Variants in NPHS1 observed in about 807,000 individuals in gnomAD.
NPHS1 encodes NPHS1 adhesion molecule, nephrin.
In NPHS1, 107 loss-of-function variants were observed where a neutral mutation model predicts 139.7. The ratio of observed to expected loss-of-function variants is 0.77; its 90% confidence interval spans 0.66 to 0.90. The LOEUF (loss-of-function observed/expected upper bound fraction) is 0.90. NPHS1 is among the 40% of genes least tolerant of loss of function. The pLI is 0.00. For synonymous variants in NPHS1, 707 were observed against 706.6 expected, an observed-to-expected ratio of 1.00 and a Z score of -0.01; for missense variants, 1,580 against 1,654.2, an observed-to-expected ratio of 0.96 and a Z score of 0.78.
rs1972888414 is a variant in NPHS1 at position 35,831,726 on chromosome 19, G to C, written c.3203C>G (p.Ala1068Gly). 1 of 1,589,306 alleles carries C rather than the reference G, an allele frequency of 6.3e-7. No individual in the cohort carries two copies. The highest frequency in any genetic ancestry group is 8.6e-7 in the Non-Finnish European group (1 of 1,168,286). ...GGAGAGGAGCAGAAGCCCCCCAAGA[G>C]CGAACAGCACAGGCAGCAGGGGCAG... ...SGLPLLPVLF[A>G]LGGLLLLSNA... The change falls in exon 24 of 29, where the codon GCT (alanine) becomes GGT (glycine). Residue 1068 changes from alanine to glycine, a missense_variant. Coordinates refer to ENST00000378910, the MANE Select transcript of NPHS1 (RefSeq NM_004646.4).
intron 28 of NPHS1, 101 bp downstream of exon 28, chr19:35,830,743 T>A: frequency 2.4e-6 from 2 of 816,516 alleles, no homozygotes; most frequent in Non-Finnish European, 4.4e-6. Context: ...TGGTCAGGCC[T>A]CTTTGTTACA....
rs555255264 is a variant in NPHS1, at chr19:35,830,884, G to A, written c.3554C>T (p.Pro1185Leu). Residue 1185 changes from proline (P) to leucine (L), a missense_variant, in exon 28 of 29, where the codon CCG becomes CTG. Transcript: ENST00000378910. The stretch of plus-strand genomic sequence containing the variant: ...GTAGAGGGGTCCCCAGGCTCCAGAC[G>A]GGGGGTACGTTCTTTCTACCTCATC... ...LYDEVERTYP[P>L]SGAWGPLYDE... The A allele has an allele frequency of 2.1e-5, 34 of 1,612,786 alleles. 1 individual carries two copies. In the South Asian group the frequency reaches 2.4e-4, roughly 11 times the overall value.
Position 35,839,485 on chromosome 19 carries a change from C to T in NPHS1, c.2927+11G>A. 1 of 1,613,896 alleles carries T rather than the reference C, an allele frequency of 6.2e-7. No homozygotes were observed. The highest frequency in any genetic ancestry group is 8.5e-7 in the Non-Finnish European group (1 of 1,179,798). The stretch of plus-strand genomic sequence containing the variant: ...CCCATTCCCTTCCCTCCTGCCTCGA[C>T]AAGGACCCACCTGATGCAGAACCTC... On this transcript the variant is annotated intron_variant, in intron 21 of 28. Coordinates refer to ENST00000378910, the MANE Select transcript of NPHS1 (RefSeq NM_004646.4).
At chr19:35,833,091 G>A (rs557367779) in intron 23 of NPHS1, among the ~76,000 whole-genome samples, 4 of 148,446 alleles carry the variant, frequency 2.7e-5, no homozygotes, top group African/African-American at 1.0e-4. Flanking sequence ...ACGGAGTTTC[G>A]CCATGTTGGA....
intron 16 of NPHS1, 134 bp downstream of exon 16, chr19:35,843,969 G>T: frequency 1.6e-6 from 2 of 1,284,540 alleles, no homozygotes; most frequent in Non-Finnish European, 2.2e-6. Context: ...TTACACCGCG[G>T]CTGGGACTTC....
intron 28 of NPHS1, among the ~76,000 whole-genome samples, chr19:35,828,435 T>C (rs1309415772): frequency 6.6e-6 from 1 of 152,102 alleles, no homozygotes; most frequent in Non-Finnish European, 1.5e-5. Context: ...CGGCTAACTT[T>C]TTGTATTTTT....
chr19:35,851,120 C>G lies in NPHS1; in HGVS notation c.398-31G>C. On this transcript the variant is annotated intron_variant, in intron 3 of 28. Transcript: ENST00000378910. The stretch of plus-strand genomic sequence containing the variant: ...GAGAGAAGGGTCTGGGGTAAGCTTC[C>G]AGCACTGAGAAGGACTTGAAGATTG... The G allele has an allele frequency of 1.9e-6, 3 of 1,614,054 alleles. No individual in the cohort carries two copies. In the African/African-American group the frequency reaches 4.0e-5, roughly 22 times the overall value.
At position 35,851,298 on chromosome 19, in the gene NPHS1, C is replaced by T. The variant is rs1403580615; in HGVS notation, c.361G>A (p.Glu121Lys). ...CQVGRSEMGP[E>K]LVSPRVILSI... ...AGGATCACTCTGGGAGACACGAGCT[C>T]GGGCCCCATCTCAGAGCGGCCGACC... Residue 121 changes from glutamate (E) to lysine (K), a missense_variant, in exon 3 of 29, where the codon GAG becomes AAG. Physicochemically the swap from Glu to Lys is moderately conservative, Grantham distance 56. Transcript: ENST00000378910. 5 of 1,613,978 alleles carry T rather than the reference C, an allele frequency of 3.1e-6. No homozygotes were observed. Among genetic ancestry groups the T allele is most frequent in the Non-Finnish European group, 4.2e-6 (5 of 1,179,934 alleles).
At chr19:35,838,079 C>G in intron 22 of NPHS1, among the ~76,000 whole-genome samples, 1 of 150,894 alleles carries the variant, frequency 6.6e-6, no homozygotes, top group East Asian at 2.0e-4. Flanking sequence ...TGGTGAAACC[C>G]TGTCTCTACT....
In NPHS1 at chr19:35,849,596, T is replaced by A. The variant is rs753266932; in HGVS notation, c.666A>T (p.Pro222=). Residue 222 remains proline (P), a synonymous_variant, in exon 6 of 29, where the codon CCA becomes CCT. Transcript: ENST00000378910. ...RQLLVCEASS[P]ALEAPIKASF... ...AGGCCTTGATGGGGGCCTCCAGTGC[T>A]GGGCTAGACGCCTCACAGACCAGCA... The A allele has an allele frequency of 6.2e-7, 1 of 1,614,134 alleles. No individual in the cohort carries two copies. Among genetic ancestry groups the A allele is most frequent in the Non-Finnish European group, 8.5e-7 (1 of 1,180,000 alleles).
chr19:35,832,628 G>A (rs189735521), intron 23 of NPHS1, among the ~76,000 whole-genome samples: 4 of 151,660 alleles, frequency 2.6e-5, no homozygotes, highest in Non-Finnish European at 5.9e-5. Flanking sequence ...GGTGGCTCAC[G>A]CCTATAATCC....
intron 17 of NPHS1, among the ~76,000 whole-genome samples, chr19:35,843,235 C>T (rs1382408361): frequency 6.6e-6 from 1 of 152,210 alleles, no homozygotes; most frequent in Non-Finnish European, 1.5e-5. Context: ...CCTGTTCATC[C>T]ACTTACCTAC....
At chr19:35,844,050 C>T in intron 16 of NPHS1, 53 bp downstream of exon 16, 1 of 1,592,546 alleles carries the variant, frequency 6.3e-7, no homozygotes, top group Non-Finnish European at 8.5e-7. Context: ...GGAGACTCCA[C>T]AATGGGCAAG....
At chr19:35,829,562 AGAGTCTT>A (rs1357045176) in intron 28 of NPHS1, among the ~76,000 whole-genome samples, 1 of 150,840 alleles carries the variant, frequency 6.6e-6, no homozygotes, top group South Asian at 2.1e-4. Flanking sequence ...TTTTTGAGAC[AGAGTCTT>A]GCTCTGTTGC....
At chr19:35,839,726 A>T in intron 20 of NPHS1, 119 bp from the exon 21 acceptor site, 1 of 801,368 alleles carries the variant, frequency 1.2e-6, no homozygotes, top group African/African-American at 1.7e-5. Context: ...TTCATAGCAT[A>T]CTCATGTTCT....
At chr19:35,831,901 AC>A (rs1972891156) in intron 23 of NPHS1, 139 bp from the exon 24 acceptor site, 2 of 882,818 alleles carry the variant, frequency 2.3e-6, no homozygotes, top group Non-Finnish European at 3.5e-6. Flanking sequence ...CTCTGTGCCC[AC>A]CCTTTCTGCC....
At chr19:35,834,690 G>A (rs1343387813) in intron 23 of NPHS1, among the ~76,000 whole-genome samples, 1 of 151,918 alleles carries the variant, frequency 6.6e-6, no homozygotes, top group African/African-American at 2.4e-5. Flanking sequence ...AGGAGTTAAA[G>A]ACCATCCTGG....
rs1203548780 is a variant in NPHS1 at position 35,848,405 on chromosome 19, G to A, written c.1171-8C>T. 5.6e-6 allele frequency: 9 copies of A among 1,614,010 alleles called. No individual in the cohort carries two copies. In the African/African-American group the frequency reaches 6.7e-5, roughly 12 times the overall value. ...GTGACCGCCATGCAGTCCCTGGCAGGGAGTGAGCTTCAGACGTGGGGACTG... is the reference window on the plus strand; with the variant it reads ...GTGACCGCCATGCAGTCCCTGGCAGAGAGTGAGCTTCAGACGTGGGGACTG... On this transcript the variant is annotated splice_polypyrimidine_tract_variant and splice_region_variant and intron_variant, in intron 9 of 28. Coordinates refer to ENST00000378910, the MANE Select transcript of NPHS1 (RefSeq NM_004646.4).
intron 23 of NPHS1, among the ~76,000 whole-genome samples, chr19:35,834,833 C>T (rs915626909): frequency 6.6e-5 from 10 of 150,542 alleles, no homozygotes; most frequent in African/African-American, 2.4e-4. Flanking sequence ...AGCAGTCAGC[C>T]GAGATCGCAC....
Sources: gnomAD v4.1 joint callset for allele counts (sites outside exome capture counted in the v4.1 genomes callset) on GRCh38, gnomAD v4.1.1 for gene constraint, MANE v1.5 for transcripts, NCBI Gene and HGNC (gene_info 2026-07-23, HGNC 2026-07-21) for gene names.